Variants in MAL observed in about 807,000 individuals in gnomAD.
The protein encoded by MAL is myelin and lymphocyte protein.
MAL carries 5 observed loss-of-function variants against 16.7 expected under a neutral mutation model. That is an observed-to-expected ratio of 0.30 (90% CI 0.16 to 0.63). The LOEUF (loss-of-function observed/expected upper bound fraction) is 0.63, where lower values mean the gene tolerates loss of function less well. Among genes scored for constraint, MAL ranks in the 30% least tolerant of loss-of-function variants. The pLI is 0.82. For synonymous variants in MAL, 96 were observed against 85.5 expected, an observed-to-expected ratio of 1.12 and a Z score of -0.67; for missense variants, 202 against 195.8, an observed-to-expected ratio of 1.03 and a Z score of -0.19.
chr2:95,045,716 C>T (rs1264413407), intron 1 of MAL, among the ~76,000 whole-genome samples: 7 of 152,178 alleles, frequency 4.6e-5, no homozygotes, highest in East Asian at 1.9e-4. Flanking sequence ...TGGATGTGCC[C>T]GCTGGATCCT....
intron 1 of MAL, among the ~76,000 whole-genome samples, chr2:95,043,600 C>G (rs939872635): frequency 3.3e-5 from 5 of 152,222 alleles, no homozygotes; most frequent in African/African-American, 1.2e-4. Context: ...AAGACCGCGG[C>G]AAAGGCCTGT....
chr2:95,027,675 A>G (rs1270134810), intron 1 of MAL, among the ~76,000 whole-genome samples: 1 of 152,176 alleles, frequency 6.6e-6, no homozygotes, highest in Non-Finnish European at 1.5e-5. Flanking sequence ...AAAGGGCCTG[A>G]GAAGGCGCTG....
At chr2:95,031,685 G>A (rs539171071) in intron 1 of MAL, among the ~76,000 whole-genome samples, 2 of 152,330 alleles carry the variant, frequency 1.3e-5, no homozygotes, top group East Asian at 1.9e-4. Context: ...CAGGGAGTGG[G>A]GCAGGCCCCG....
At chr2:95,047,653 A>G (rs540314468) in intron 1 of MAL, among the ~76,000 whole-genome samples, 2 of 152,202 alleles carry the variant, frequency 1.3e-5, no homozygotes, top group African/African-American at 2.4e-5. Context: ...CCCAGGAGGC[A>G]GAGGTTGCAG....
In MAL at chr2:95,053,509, C is replaced by A; in HGVS notation, c.*54C>A. ...CAGATGGTGTTAACTGGCCGCCCCA[C>A]TTTCCGGCATAACTTTTTAGAAAAC... is the stretch of plus-strand genomic sequence containing the variant. On this transcript the variant is annotated 3_prime_UTR_variant, in exon 4 of 4. Coordinates refer to ENST00000309988, the MANE Select transcript of MAL (RefSeq NM_002371.4). 7.4e-7 allele frequency: 1 copy of A among 1,358,220 alleles called. No individual in the cohort carries two copies. The highest frequency in any genetic ancestry group is 1.1e-6 in the Non-Finnish European group (1 of 948,332). 84.1% of individuals were successfully genotyped at this position (1,358,220 alleles called of 1,614,324 possible).
intron 3 of MAL, among the ~76,000 whole-genome samples, chr2:95,049,980 C>A (rs757635525): frequency 6.6e-6 from 1 of 152,180 alleles, no homozygotes. Flanking sequence ...GGCTGCCCAG[C>A]GCCCTGTCCG....
chr2:95,049,433 G>A, intron 2 of MAL, 148 bp from the exon 3 acceptor site: 4 of 1,010,122 alleles, frequency 4.0e-6, no homozygotes, highest in Middle Eastern at 3.0e-4. Context: ...AGCAGGGCAG[G>A]CATGGGACCT....
rs1459713391 is a variant in MAL, at chr2:95,053,728, C to T, written c.*273C>T. 2.3e-6 allele frequency: 1 copy of T among 427,034 alleles called. No homozygotes were observed. Among genetic ancestry groups the T allele is most frequent in the Non-Finnish European group, 4.2e-6 (1 of 236,116 alleles). The allele number at this position is 427,034 out of a possible 1,614,324, so 26.5% of individuals were successfully genotyped here. On this transcript the variant is annotated 3_prime_UTR_variant, in exon 4 of 4. Transcript: ENST00000309988. ...GTCACCTCCTGTTTGTGAAAGGGGACCTTCTTGTTCGGGGGTGGGAAGTGG... is the reference window on the plus strand; with the variant it reads ...GTCACCTCCTGTTTGTGAAAGGGGATCTTCTTGTTCGGGGGTGGGAAGTGG...
intron 1 of MAL, among the ~76,000 whole-genome samples, chr2:95,028,160 A>G (rs995415372): frequency 8.1e-5 from 12 of 148,960 alleles, no homozygotes; most frequent in African/African-American, 2.9e-4. Context: ...TACAAAAAAA[A>G]AAAAAAAAAA....
intron 1 of MAL, among the ~76,000 whole-genome samples, chr2:95,047,027 G>A (rs1674606776): frequency 6.6e-6 from 1 of 151,832 alleles, no homozygotes; most frequent in African/African-American, 2.4e-5. Flanking sequence ...AAGAAGAAAT[G>A]AAGGAAAGAG....
At chr2:95,039,867 C>T (rs755346815) in intron 1 of MAL, among the ~76,000 whole-genome samples, 4 of 152,084 alleles carry the variant, frequency 2.6e-5, no homozygotes, top group Non-Finnish European at 5.9e-5. Context: ...CGGTGTTACT[C>T]CTTGCCTCTC....
intron 1 of MAL, among the ~76,000 whole-genome samples, chr2:95,027,147 G>T (rs1274351172): frequency 6.6e-6 from 1 of 152,112 alleles, no homozygotes; most frequent in East Asian, 1.9e-4. Flanking sequence ...CGTTTACAGA[G>T]AGCCAGCCCC....
In MAL at chr2:95,034,138, G is replaced by A. The variant is rs550844309; in HGVS notation, c.93+8253G>A. ...TCTGTTCCATTCTCAGGCAGGTGCT[G>A]CATGAGGATTGGGATTGGGCCAGGC... On this transcript the variant is annotated intron_variant, in intron 1 of 3. Transcript: ENST00000309988. Among the ~76,000 whole-genome samples the A allele has an allele frequency of 2.6e-5, 4 of 152,346 alleles. No individual in the cohort carries two copies. The East Asian group carries it at 5.8e-4, about 22-fold the overall frequency.
intron 1 of MAL, among the ~76,000 whole-genome samples, chr2:95,030,273 G>A (rs530449649): frequency 2.0e-5 from 3 of 152,204 alleles, no homozygotes; most frequent in Non-Finnish European, 4.4e-5. Flanking sequence ...CACAGAGGCT[G>A]TGCCCCTATT....
Position 95,048,046 on chromosome 2 carries a change from T to C in MAL, c.181T>C (p.Phe61Leu), listed in dbSNP as rs1674630825. ...GGGCTGGGTGATGTTCGTGTCTGTGTTCTGCTTCGTGGCCACCACCACCTT... is the reference window on the plus strand; with the variant it reads ...GGGCTGGGTGATGTTCGTGTCTGTGCTCTGCTTCGTGGCCACCACCACCTT... ...VQGWVMFVSV[F>L]CFVATTTLII... is the part of the protein sequence containing the mutation. Residue 61 changes from phenylalanine to leucine, a missense_variant, in exon 2 of 4, where the codon TTC becomes CTC. Coordinates refer to ENST00000309988, the MANE Select transcript of MAL (RefSeq NM_002371.4). 3.1e-6 allele frequency: 5 copies of C among 1,614,000 alleles called. No individual in the cohort carries two copies. The highest frequency in any genetic ancestry group is 2.7e-5 in the African/African-American group (2 of 75,040).
chr2:95,052,103 G>C (rs2104364522), intron 3 of MAL, among the ~76,000 whole-genome samples: 1 of 152,338 alleles, frequency 6.6e-6, no homozygotes, highest in African/African-American at 2.4e-5. Context: ...AGGGACCCCA[G>C]GGATGGGTGG....
At chr2:95,027,737 A>T (rs902610514) in intron 1 of MAL, among the ~76,000 whole-genome samples, 2 of 152,160 alleles carry the variant, frequency 1.3e-5, no homozygotes, top group African/African-American at 4.8e-5. Context: ...TTTGAGACGG[A>T]GTCTCGCTCT....
Position 95,025,983 on chromosome 2 carries a change from A to T in MAL, c.93+98A>T, listed in dbSNP as rs909202559. On this transcript the variant is annotated intron_variant, in intron 1 of 3. Coordinates refer to ENST00000309988, the MANE Select transcript of MAL (RefSeq NM_002371.4). The surrounding 1 kb of genome is among the most constrained non-coding windows in gnomAD (Gnocchi z 5.6). The stretch of plus-strand genomic sequence containing the variant: ...GTCGGACGGGATCCGCTAGCTGCGC[A>T]GGTTCTGGGAGCATCGGGGCAGCAG... 2.7e-5 allele frequency: 28 copies of T among 1,053,430 alleles called. No homozygotes were observed. The African/African-American group carries it at 4.3e-4, about 16-fold the overall frequency. The allele number at this position is 1,053,430 out of a possible 1,614,324, so 65.3% of individuals were successfully genotyped here.
intron 1 of MAL, among the ~76,000 whole-genome samples, chr2:95,027,236 A>ATT (rs1673965001): frequency 6.6e-6 from 1 of 152,114 alleles, no homozygotes; most frequent in African/African-American, 2.4e-5. Flanking sequence ...AGACGGGGCG[A>ATT]TCTGATCTGC....
Sources: allele counts gnomAD v4.1 joint callset (sites outside exome capture counted in the v4.1 genomes callset), GRCh38; gene constraint gnomAD v4.1.1; non-coding constraint Gnocchi (gnomAD v3.1); transcripts MANE v1.5; gene names NCBI Gene and HGNC (gene_info 2026-07-23, HGNC 2026-07-21).